Variants in MAP4K4 observed in about 807,000 individuals in gnomAD.
MAP4K4 encodes HPK/GCK-like kinase HGK.
In MAP4K4, 38 loss-of-function variants were observed where a neutral mutation model predicts 189.6. The observed-to-expected ratio is 0.20, with a 90% confidence interval of 0.15 to 0.26. The LOEUF is 0.26. Among genes scored for constraint, MAP4K4 ranks in the 10% least tolerant of loss-of-function variants. The probability of loss-of-function intolerance (pLI) is 1.00; values close to 1 mark genes in which losing one functional copy is unlikely to be tolerated. For synonymous variants in MAP4K4, 610 were observed against 624.3 expected (o/e 0.98, Z 0.34); for missense variants, 1,054 against 1,726.9 (o/e 0.61, Z 6.91).
chr2:101,769,050 GA>G (rs2080039407), intron 2 of MAP4K4, among the ~76,000 whole-genome samples: 1 of 152,182 alleles, frequency 6.6e-6, no homozygotes, highest in Admixed American at 6.5e-5. Flanking sequence ...AGATGAGAAA[GA>G]AAACCTTTGC....
intron 2 of MAP4K4, among the ~76,000 whole-genome samples, chr2:101,784,950 A>T (rs1279590707): frequency 6.6e-6 from 1 of 152,114 alleles, no homozygotes; most frequent in Non-Finnish European, 1.5e-5. Context: ...TTGTGTGGGG[A>T]GTAAACAACA....
At chr2:101,729,101 A>AGAGAGAGAGAGTGTGTGT (rs149283961) in intron 2 of MAP4K4, among the ~76,000 whole-genome samples, 9 of 130,502 alleles carry the variant, frequency 6.9e-5, no homozygotes, top group African/African-American at 2.8e-4. Context: ...AGAGAGAGAG[A>AGAGAGAGAGAGTGTGTGT]GTGTGTGTGT....
rs974031803 is a variant in MAP4K4, at chr2:101,797,210, CTG to C, written c.180+6437_180+6438del. On this transcript the variant is annotated intron_variant, in intron 3 of 32. Transcript: ENST00000324219. ...ACAAAAGGAAGGGAAGGAGAGATCT[CTG>C]TGGCCTGTGGGACCTATTGTTCTAT... The C allele has an allele frequency of 2.3e-6, 3 of 1,284,630 alleles. No individual in the cohort carries two copies. The African/African-American group carries it at 4.6e-5, about 20-fold the overall frequency. 79.6% of individuals were successfully genotyped at this position (1,284,630 alleles called of 1,614,324 possible). A position where few individuals can be genotyped will look rare whatever the true frequency, so the allele number is the denominator to read the frequency against.
At chr2:101,710,580 G>A (rs995365247) in intron 2 of MAP4K4, among the ~76,000 whole-genome samples, 1 of 152,212 alleles carries the variant, frequency 6.6e-6, no homozygotes, top group Non-Finnish European at 1.5e-5. Flanking sequence ...TTATGCCCTT[G>A]TGTAGCGTAT....
In MAP4K4 at chr2:101,758,212, A is replaced by G. The variant is rs1032179440; in HGVS notation, c.124-32508A>G. Among the ~76,000 whole-genome samples, 3 of 152,226 alleles carry G rather than the reference A, an allele frequency of 2.0e-5. No individual in the cohort carries two copies. In the East Asian group the frequency reaches 5.8e-4, roughly 29 times the overall value. Reference sequence around the variant, plus strand: ...TTGTCTGTCTTATAGTAATGAACATAGTCACAGAACCCTCTATTCTTGGAA... The same window carrying G: ...TTGTCTGTCTTATAGTAATGAACATGGTCACAGAACCCTCTATTCTTGGAA... On this transcript the variant is annotated intron_variant, in intron 2 of 32. Transcript: ENST00000324219.
chr2:101,760,957 C>T (rs1176621117), intron 2 of MAP4K4, among the ~76,000 whole-genome samples: 5 of 152,164 alleles, frequency 3.3e-5, no homozygotes, highest in South Asian at 2.1e-4. Flanking sequence ...GAACTGAGAT[C>T]GCGCCATTGC....
chr2:101,768,472 G>A (rs752448568), intron 2 of MAP4K4, among the ~76,000 whole-genome samples: 1 of 152,192 alleles, frequency 6.6e-6, no homozygotes, highest in Non-Finnish European at 1.5e-5. Context: ...TTTTGCTTAG[G>A]TATTGTATGC....
In MAP4K4 at chr2:101,874,078, T is replaced by G. The variant is rs775309629; in HGVS notation, c.3071-4T>G. The G allele has an allele frequency of 1.2e-6, 2 of 1,612,260 alleles. No individual in the cohort carries two copies. Among genetic ancestry groups the G allele is most frequent in the Non-Finnish European group, 1.7e-6 (2 of 1,179,198 alleles). ...AAAATAATTTCAAATATATTGTGTTTCAGTGGGATTTTCCTGTGATGGGAT... is the reference window on the plus strand; with the variant it reads ...AAAATAATTTCAAATATATTGTGTTGCAGTGGGATTTTCCTGTGATGGGAT... On this transcript the variant is annotated splice_polypyrimidine_tract_variant and splice_region_variant and intron_variant, in intron 25 of 32. Coordinates refer to ENST00000324219, the Ensembl canonical transcript of MAP4K4.
chr2:101,836,305 C>T (rs920314237), intron 9 of MAP4K4, among the ~76,000 whole-genome samples: 3 of 152,074 alleles, frequency 2.0e-5, no homozygotes, highest in Admixed American at 6.5e-5. Context: ...AGAAAGCGAC[C>T]GGGCGCGGTG....
At chr2:101,887,537 T>G (rs1188497175) in intron 30 of MAP4K4, among the ~76,000 whole-genome samples, 1 of 152,202 alleles carries the variant, frequency 6.6e-6, no homozygotes, top group Non-Finnish European at 1.5e-5. Flanking sequence ...TGGTTCTCAA[T>G]TGGAGCCCAG....
exon 22 of MAP4K4, chr2:101,869,696 C>T: frequency 1.2e-6 from 2 of 1,606,108 alleles, no homozygotes; most frequent in Middle Eastern, 1.7e-4. Flanking sequence ...CGGACTACTC[C>T]TCATCCAGTG....
chr2:101,838,562 A>G (rs2096830459), intron 9 of MAP4K4, among the ~76,000 whole-genome samples: 1 of 152,090 alleles, frequency 6.6e-6, no homozygotes, highest in Admixed American at 6.6e-5. Context: ...TACCTTATGA[A>G]TATCAAGTAT....
At chr2:101,887,909 A>G (rs200941469) in exon 31 of MAP4K4, 7 of 1,611,092 alleles carry the variant, frequency 4.3e-6, no homozygotes, top group Non-Finnish European at 1.7e-6. Context: ...ATGTAGTTCT[A>G]CAGTGGGGAG....
chr2:101,767,768 A>G (rs1304838040), intron 2 of MAP4K4, among the ~76,000 whole-genome samples: 2 of 152,204 alleles, frequency 1.3e-5, no homozygotes, highest in African/African-American at 4.8e-5. Context: ...AGTATATGAC[A>G]GGTTGTCATA....
At chr2:101,731,901 G>A (rs1225257055) in intron 2 of MAP4K4, among the ~76,000 whole-genome samples, 2 of 152,096 alleles carry the variant, frequency 1.3e-5, no homozygotes, top group Non-Finnish European at 2.9e-5. Flanking sequence ...ATACCTTTTG[G>A]TTAGTGGATA....
At chr2:101,843,048 C>G (rs566695235) in intron 11 of MAP4K4, among the ~76,000 whole-genome samples, 2 of 152,174 alleles carry the variant, frequency 1.3e-5, no homozygotes, top group Non-Finnish European at 2.9e-5. Flanking sequence ...AAAGAATTGT[C>G]CCGCCCATGG....
At chr2:101,870,606 G>A in intron 23 of MAP4K4, 191 bp downstream of exon 23, 1 of 638,528 alleles carries the variant, frequency 1.6e-6, no homozygotes, top group Non-Finnish European at 2.6e-6. Flanking sequence ...GTAGCGAGTA[G>A]TCTCCACCCC....
chr2:101,882,489 G>A, intron 27 of MAP4K4, 62 bp from the exon 28 acceptor site: 1 of 1,301,798 alleles, frequency 7.7e-7, no homozygotes, highest in South Asian at 1.6e-5. Context: ...GGTTACTATT[G>A]TTATTAATGA....
intron 31 of MAP4K4, among the ~76,000 whole-genome samples, chr2:101,888,556 G>A (rs1284380097): frequency 1.3e-5 from 2 of 152,090 alleles, no homozygotes; most frequent in Non-Finnish European, 2.9e-5. Context: ...CTAGATAGGC[G>A]TGAAAGGCCT....
Sources: gnomAD v4.1 joint callset for allele counts (sites outside exome capture counted in the v4.1 genomes callset) on GRCh38, gnomAD v4.1.1 for gene constraint, MANE v1.5 for transcripts, NCBI Gene and HGNC (gene_info 2026-07-23, HGNC 2026-07-21) for gene names.